The following KCNT2 variants were observed in gnomAD, a reference collection of about 807,000 sequenced individuals.
The protein encoded by KCNT2 is potassium sodium-activated channel subfamily T member 2.
KCNT2 carries 67 observed loss-of-function variants against 153.8 expected under a neutral mutation model. The observed-to-expected ratio is 0.44, with a 90% CI of 0.36 to 0.53. The LOEUF (loss-of-function observed/expected upper bound fraction) is 0.53, where lower values mean the gene tolerates loss of function less well. Among genes scored for constraint, KCNT2 ranks in the 20% least tolerant of loss-of-function variants. The pLI, the probability that KCNT2 is intolerant of heterozygous loss-of-function variation, is 0.00. For missense variants in KCNT2, 975 were observed against 1,354.8 expected, an observed-to-expected ratio of 0.72 and a Z score of 4.40; for synonymous variants, 500 against 458.8, an observed-to-expected ratio of 1.09 and a Z score of -1.15.
rs1656262449 is a variant in KCNT2 at position 196,254,274 on chromosome 1, A to T, written c.3211+3920T>A. ...TGTGTTTTTGAGGGCCAACCCTGAG[A>T]GTTCTGGAAATATAGAATTATACAG... On this transcript the variant is annotated intron_variant, in intron 26 of 27. Transcript: ENST00000294725. 2.0e-5 allele frequency among the ~76,000 whole-genome samples: 3 copies of T among 151,392 alleles called. No individual in the cohort carries two copies. In the South Asian group the frequency reaches 6.2e-4, roughly 31 times the overall value.
At chr1:196,239,641 G>A (rs142497241) in intron 26 of KCNT2, among the ~76,000 whole-genome samples, 8 of 152,034 alleles carry the variant, frequency 5.3e-5, no homozygotes, top group Non-Finnish European at 1.0e-4. Flanking sequence ...AGTATTTTAA[G>A]AGGATTTTTG....
At chr1:196,593,204 T>A (rs1663599385) in intron 1 of KCNT2, among the ~76,000 whole-genome samples, 1 of 150,412 alleles carries the variant, frequency 6.6e-6, no homozygotes, top group African/African-American at 2.4e-5. Flanking sequence ...GTTACTTCAC[T>A]TAGAATAATA....
At chr1:196,373,322 A>G (rs1668688916) in intron 13 of KCNT2, 74 bp from the exon 14 acceptor site, 1 of 717,714 alleles carries the variant, frequency 1.4e-6, no homozygotes, top group African/African-American at 1.8e-5. Context: ...ATAAAACAAA[A>G]TGAATAAAAT....
At chr1:196,455,332 T>C (rs1676568723) in intron 8 of KCNT2, among the ~76,000 whole-genome samples, 1 of 152,038 alleles carries the variant, frequency 6.6e-6, no homozygotes, top group African/African-American at 2.4e-5. Context: ...CTGCCTACCT[T>C]TTGTAAATAG....
At chr1:196,575,733 C>CAGTACT (rs5779839) in intron 1 of KCNT2, among the ~76,000 whole-genome samples, 3 of 151,340 alleles carry the variant, frequency 2.0e-5, no homozygotes, top group Non-Finnish European at 4.4e-5. Context: ...CACACCTGTA[C>CAGTACT]TTGGGAGGCT....
At chr1:196,304,117 T>C (rs1661420476) in intron 22 of KCNT2, among the ~76,000 whole-genome samples, 1 of 152,066 alleles carries the variant, frequency 6.6e-6, no homozygotes, top group Admixed American at 6.6e-5. Context: ...ACAATTTCCC[T>C]GTGGCCATAA....
intron 23 of KCNT2, among the ~76,000 whole-genome samples, chr1:196,283,137 C>T (rs1659278143): frequency 6.6e-6 from 1 of 152,206 alleles, no homozygotes; most frequent in African/African-American, 2.4e-5. Context: ...AGCCAACACA[C>T]CAGGCCTAAA....
At chr1:196,284,523 T>C (rs950231689) in intron 23 of KCNT2, among the ~76,000 whole-genome samples, 7 of 151,760 alleles carry the variant, frequency 4.6e-5, no homozygotes, top group African/African-American at 1.7e-4. Flanking sequence ...TGCATAATGG[T>C]ACCCAAGCAT....
intron 26 of KCNT2, among the ~76,000 whole-genome samples, chr1:196,240,302 A>G (rs1470676147): frequency 1.3e-5 from 2 of 152,056 alleles, no homozygotes; most frequent in African/African-American, 2.4e-5. Context: ...TGCGATTAAC[A>G]TCCTGGCATG....
chr1:196,472,420 G>T (rs1413887178), intron 5 of KCNT2, among the ~76,000 whole-genome samples: 1 of 152,106 alleles, frequency 6.6e-6, no homozygotes, highest in Admixed American at 6.5e-5. Flanking sequence ...AAGAGTTCTT[G>T]TTTCTATACC....
chr1:196,264,584 T>A (rs1312965407), intron 25 of KCNT2, among the ~76,000 whole-genome samples: 1 of 152,108 alleles, frequency 6.6e-6, no homozygotes, highest in Non-Finnish European at 1.5e-5. Context: ...AGTCTATATG[T>A]AGGACCTCAC....
At chr1:196,276,620 A>G (rs1352666099) in intron 25 of KCNT2, among the ~76,000 whole-genome samples, 2 of 151,576 alleles carry the variant, frequency 1.3e-5, no homozygotes, top group East Asian at 3.9e-4. Context: ...TTTCTCCTTC[A>G]TTTTACTCAT....
chr1:196,296,865 T>G (rs913001310), intron 22 of KCNT2, among the ~76,000 whole-genome samples: 4 of 152,044 alleles, frequency 2.6e-5, no homozygotes, highest in African/African-American at 9.7e-5. Flanking sequence ...AGTAGTGCCT[T>G]GCAGACTAGC....
At chr1:196,471,097 C>CG (rs1678066468) in intron 5 of KCNT2, among the ~76,000 whole-genome samples, 1 of 151,308 alleles carries the variant, frequency 6.6e-6, no homozygotes, top group Non-Finnish European at 1.5e-5. Context: ...TTACTAAAGA[C>CG]GGGGTTTCAC....
At chr1:196,437,703 T>C (rs1299335884) in intron 8 of KCNT2, among the ~76,000 whole-genome samples, 1 of 150,982 alleles carries the variant, frequency 6.6e-6, no homozygotes, top group Non-Finnish European at 1.5e-5. Context: ...TTTTAAATAA[T>C]AATAAAATCA....
At chr1:196,523,305 A>T (rs899766645) in intron 1 of KCNT2, among the ~76,000 whole-genome samples, 20 of 152,282 alleles carry the variant, frequency 1.3e-4, no homozygotes, top group African/African-American at 4.8e-4. Flanking sequence ...ATCTTTAAGA[A>T]CGGTAACACT....
intron 26 of KCNT2, among the ~76,000 whole-genome samples, chr1:196,241,403 T>C (rs557445481): frequency 1.3e-5 from 2 of 152,212 alleles, no homozygotes; most frequent in East Asian, 1.9e-4. Context: ...TTTGCTCATG[T>C]ATTCCAGTTT....
chr1:196,307,298 A>G (rs2147987198), intron 21 of KCNT2, among the ~76,000 whole-genome samples: 1 of 152,168 alleles, frequency 6.6e-6, no homozygotes, highest in African/African-American at 2.4e-5. Flanking sequence ...CTGAAATGCC[A>G]TTTCTTTTCT....
chr1:196,588,772 TACATAGACTAC>T (rs1662990362), intron 1 of KCNT2, among the ~76,000 whole-genome samples: 1 of 14,596 alleles, frequency 6.9e-5, no homozygotes, highest in Non-Finnish European at 1.5e-3. Flanking sequence ...GGAACAATAA[TACATAGACTAC>T]TAACTGTGTA....
Sources: gnomAD v4.1 joint callset for allele counts (sites outside exome capture counted in the v4.1 genomes callset) on GRCh38, gnomAD v4.1.1 for gene constraint, MANE v1.5 for transcripts, NCBI Gene and HGNC (gene_info 2026-07-23, HGNC 2026-07-21) for gene names.